Variants in ILDR1 observed in about 807,000 individuals in gnomAD.
ILDR1 encodes the protein immunoglobulin-like domain-containing receptor 1.
ILDR1 carries 56 observed loss-of-function variants against 62.4 expected under a neutral mutation model. The ratio of observed to expected loss-of-function variants is 0.90; its 90% CI spans 0.72 to 1.12. The LOEUF is 1.12. Among genes scored for constraint, ILDR1 ranks in the 50% most tolerant of loss-of-function variants. The pLI is 0.00. For missense variants in ILDR1, 736 were observed against 710.6 expected (o/e 1.04, Z -0.41); for synonymous variants, 284 against 277.8 (o/e 1.02, Z -0.22).
Position 121,987,904 on chromosome 3 carries a change from TGGCC to T in ILDR1, c.*459_*462del. The T allele has an allele frequency of 1.6e-5, 4 of 248,204 alleles. No homozygotes were observed. The highest frequency in any genetic ancestry group is 1.6e-3 in the Middle Eastern group (1 of 630). 15.4% of individuals were successfully genotyped at this position (248,204 alleles called of 1,614,324 possible). A position where few individuals can be genotyped will look rare whatever the true frequency, so the allele number is the denominator to read the frequency against. On this transcript the variant is annotated 3_prime_UTR_variant, in exon 8 of 8. Coordinates refer to ENST00000344209, the MANE Select transcript of ILDR1 (RefSeq NM_001199799.2). ...CTCGAACTCTAACTTTTTTGTTTTT[TGGCC>T]TTTTGGGTTTTTTAGTAATGGGGAC...
At chr3:122,018,793 G>C (rs911097325) in intron 1 of ILDR1, among the ~76,000 whole-genome samples, 1 of 152,156 alleles carries the variant, frequency 6.6e-6, no homozygotes, top group African/African-American at 2.4e-5. Context: ...GAGCTCCCAA[G>C]GAGACAAGGG....
chr3:122,030,458 T>C, the ILDR1 span, among the ~76,000 whole-genome samples: 2 of 151,922 alleles, frequency 1.3e-5, no homozygotes, highest in African/African-American at 4.8e-5. Flanking sequence ...TTCCCCCATC[T>C]CTTTGCCACC....
chr3:122,056,072 T>G, the ILDR1 span, among the ~76,000 whole-genome samples: 2 of 152,276 alleles, frequency 1.3e-5, no homozygotes, highest in East Asian at 3.9e-4. Flanking sequence ...GCTGGGTACT[T>G]TACTAGTGCT....
At chr3:122,010,343 A>T (rs548394214) in intron 1 of ILDR1, among the ~76,000 whole-genome samples, 1 of 152,318 alleles carries the variant, frequency 6.6e-6, no homozygotes, top group East Asian at 1.9e-4. Flanking sequence ...TTTTCTGAAG[A>T]ACAGTAATAC....
the ILDR1 span, among the ~76,000 whole-genome samples, chr3:122,033,540 G>C: frequency 9.2e-5 from 14 of 151,840 alleles, no homozygotes; most frequent in African/African-American, 3.4e-4. Context: ...AAGTCCTCAA[G>C]ATTTTTGTGT....
chr3:122,057,473 G>A, the ILDR1 span, among the ~76,000 whole-genome samples: 14 of 152,202 alleles, frequency 9.2e-5, no homozygotes, highest in African/African-American at 2.6e-4. Context: ...AATGCAGAAC[G>A]AACAGTGCTA....
intron 1 of ILDR1, among the ~76,000 whole-genome samples, chr3:122,017,942 T>A (rs2071799897): frequency 6.6e-6 from 1 of 152,182 alleles, no homozygotes; most frequent in South Asian, 2.1e-4. Flanking sequence ...ACACTGTTGG[T>A]GGGAGTGTAA....
At chr3:122,057,433 A>T in the ILDR1 span, among the ~76,000 whole-genome samples, 1 of 152,234 alleles carries the variant, frequency 6.6e-6, no homozygotes, top group Non-Finnish European at 1.5e-5. Flanking sequence ...ACTGTAGAAC[A>T]ATTCATAATG....
intron 6 of ILDR1, 95 bp downstream of exon 6, chr3:121,994,087 A>G: frequency 2.7e-6 from 4 of 1,505,634 alleles, no homozygotes; most frequent in Non-Finnish European, 1.8e-6. Flanking sequence ...CATCATGAAG[A>G]TGCCTGCCGC....
upstream of ILDR1, chr3:122,022,339 C>T (rs2071873906): frequency 7.5e-6 from 3 of 402,134 alleles, no homozygotes; most frequent in South Asian, 4.9e-5. Context: ...CGGGGGACTG[C>T]GGCCACCTTC....
chr3:122,035,068 G>A, the ILDR1 span, among the ~76,000 whole-genome samples: 1 of 152,122 alleles, frequency 6.6e-6, no homozygotes, highest in Non-Finnish European at 1.5e-5. Context: ...AAAATTCTTA[G>A]AAAGTTTTCA....
chr3:122,022,197 C>A lies in ILDR1; in HGVS notation c.-120G>T. The A allele has an allele frequency of 1.1e-6, 1 of 871,976 alleles. No homozygotes were observed. The allele number at this position is 871,976 out of a possible 1,614,324, so 54.0% of individuals were successfully genotyped here. ...GGAACCCCTCGGGTTTCCCCTCCCT[C>A]GGCGCAGCGGGGAGGGAGCGTCCGC... On this transcript the variant is annotated 5_prime_UTR_variant, in exon 1 of 8. Coordinates refer to ENST00000344209, the MANE Select transcript of ILDR1 (RefSeq NM_001199799.2).
At chr3:122,034,041 G>A in the ILDR1 span, among the ~76,000 whole-genome samples, 1 of 152,146 alleles carries the variant, frequency 6.6e-6, no homozygotes, top group Non-Finnish European at 1.5e-5. Context: ...CACTGGGATT[G>A]CATTAAATCA....
intron 1 of ILDR1, among the ~76,000 whole-genome samples, chr3:122,008,847 C>G (rs2071658432): frequency 6.6e-6 from 1 of 152,236 alleles, no homozygotes; most frequent in East Asian, 1.9e-4. Context: ...CCCGCCTCAG[C>G]CTCCCAAAGT....
intron 5 of ILDR1, among the ~76,000 whole-genome samples, chr3:121,997,092 G>T (rs969496906): frequency 1.5e-4 from 23 of 152,074 alleles, no homozygotes; most frequent in Non-Finnish European, 3.2e-4. Flanking sequence ...GTAGAGATAG[G>T]GTTTCACCAT....
intron 1 of ILDR1, among the ~76,000 whole-genome samples, chr3:122,012,905 T>G (rs1240790810): frequency 3.3e-5 from 5 of 152,192 alleles, no homozygotes; most frequent in Non-Finnish European, 7.4e-5. Flanking sequence ...CTTTGTACCC[T>G]GGTGGACTCA....
At chr3:122,053,627 A>G in the ILDR1 span, among the ~76,000 whole-genome samples, 349 of 152,262 alleles carry the variant, frequency 2.3e-3, 1 homozygote, top group African/African-American at 8.1e-3. Flanking sequence ...CAATCTTCCC[A>G]CCTCAGCCTC....
the ILDR1 span, among the ~76,000 whole-genome samples, chr3:122,052,919 G>C: frequency 4.6e-5 from 7 of 152,178 alleles, no homozygotes; most frequent in Non-Finnish European, 8.8e-5. Flanking sequence ...TTCTTCTTCA[G>C]GGAGAAGCCA....
the ILDR1 span, among the ~76,000 whole-genome samples, chr3:122,031,939 T>A: frequency 6.6e-6 from 1 of 152,244 alleles, no homozygotes; most frequent in African/African-American, 2.4e-5. Flanking sequence ...GGATGAGTAC[T>A]GTTTATTTCC....
Sources: gnomAD v4.1 joint callset for allele counts (sites outside exome capture counted in the v4.1 genomes callset) on GRCh38, gnomAD v4.1.1 for gene constraint, MANE v1.5 for transcripts, NCBI Gene and HGNC (gene_info 2026-07-23, HGNC 2026-07-21) for gene names.